Variants in CCDC148 observed in about 807,000 individuals in gnomAD.
CCDC148 encodes coiled-coil domain containing 148.
A neutral mutation model predicts 85.7 loss-of-function variants in CCDC148; 89 were observed. The observed-to-expected ratio is 1.04, with a 90% confidence interval of 0.87 to 1.24. The LOEUF is 1.24. Among genes scored for constraint, CCDC148 ranks in the 50% most tolerant of loss-of-function variants. CCDC148 has a pLI of 0.00. For synonymous variants in CCDC148, 230 were observed against 213.9 expected (o/e 1.08, Z -0.66); for missense variants, 692 against 671.7 (o/e 1.03, Z -0.33).
intron 9 of CCDC148, among the ~76,000 whole-genome samples, chr2:158,294,004 C>CA (rs1691037121): frequency 1.1e-4 from 1 of 9,176 alleles, no homozygotes; most frequent in African/African-American, 7.5e-4. Flanking sequence ...CTCCCTCCCT[C>CA]CTTCCTTCCT....
chr2:158,428,363 C>T (rs1261076688), intron 1 of CCDC148, among the ~76,000 whole-genome samples: 1 of 152,018 alleles, frequency 6.6e-6, no homozygotes, highest in African/African-American at 2.4e-5. Flanking sequence ...AGATCTGATC[C>T]TCATTTCTTA....
chr2:158,332,889 C>T (rs544148446), intron 7 of CCDC148, among the ~76,000 whole-genome samples: 6 of 43,746 alleles, frequency 1.4e-4, no homozygotes, highest in African/African-American at 4.9e-4. Context: ...TCCCCTATAA[C>T]ATGTTTTTTT....
At position 158,294,874 on chromosome 2, in the gene CCDC148, T is replaced by C. The variant is rs1426418048; in HGVS notation, c.1110+14559A>G. On this transcript the variant is annotated intron_variant, in intron 9 of 13. Transcript: ENST00000283233. The stretch of plus-strand genomic sequence containing the variant: ...CAAAATGTTGCACAAAGTGACCATG[T>C]TACTTTGCATTCCCCGCTAGCACTG... Among the ~76,000 whole-genome samples the C allele has an allele frequency of 2.6e-5, 4 of 151,824 alleles. No homozygotes were observed. In the East Asian group the frequency reaches 5.8e-4, roughly 22 times the overall value.
At chr2:158,229,309 T>C (rs1005871234) in intron 10 of CCDC148, among the ~76,000 whole-genome samples, 48 of 152,188 alleles carry the variant, frequency 3.2e-4, no homozygotes, top group African/African-American at 1.1e-3. Context: ...GCAGCTCTCA[T>C]CACAAGGCTT....
At chr2:158,316,831 A>C (rs930382195) in intron 7 of CCDC148, among the ~76,000 whole-genome samples, 5 of 152,228 alleles carry the variant, frequency 3.3e-5, no homozygotes, top group African/African-American at 1.2e-4. Context: ...ATATTTAAAC[A>C]TAGTAGTCTC....
In CCDC148 at chr2:158,329,052, C is replaced by T. The variant is rs188231192; in HGVS notation, c.764+9674G>A. 2.7e-3 allele frequency among the ~76,000 whole-genome samples: 418 copies of T among 152,234 alleles called. 1 individual carries two copies. Among genetic ancestry groups the T allele is most frequent in the African/African-American group, 9.4e-3 (390 of 41,546 alleles). ...CATTTGTCAGTTTTGGCTTTTGTTG[C>T]CATTGCTTTTGGTGTTTTGGACATG... On this transcript the variant is annotated intron_variant, in intron 7 of 13. Transcript: ENST00000283233.
intron 7 of CCDC148, among the ~76,000 whole-genome samples, chr2:158,334,294 G>A (rs1693307856): frequency 6.6e-6 from 1 of 152,070 alleles, no homozygotes; most frequent in Admixed American, 6.6e-5. Context: ...GTATCTTTCT[G>A]TCTCTCCAAT....
intron 1 of CCDC148, among the ~76,000 whole-genome samples, chr2:158,373,359 T>C (rs1028081291): frequency 1.3e-5 from 2 of 152,058 alleles, no homozygotes; most frequent in African/African-American, 4.8e-5. Flanking sequence ...ATCATAAACT[T>C]GGATTGTTTA....
intron 9 of CCDC148, among the ~76,000 whole-genome samples, chr2:158,309,107 G>T (rs1336929697): frequency 6.6e-6 from 1 of 152,152 alleles, no homozygotes; most frequent in Non-Finnish European, 1.5e-5. Flanking sequence ...ATCAGCATTA[G>T]ACAGTAACTT....
rs1691857730 is a variant in CCDC148, at chr2:158,309,358, T to A, written c.1110+75A>T. 4 of 1,250,244 alleles carry A rather than the reference T, an allele frequency of 3.2e-6. No individual in the cohort carries two copies. The African/African-American group carries it at 4.5e-5, about 14-fold the overall frequency. The allele number at this position is 1,250,244 out of a possible 1,614,324, so 77.4% of individuals were successfully genotyped here. ...TTTTTAAGAGAAACTGAACTTTAGG[T>A]TGAGTTTGAACAAAAGGGAAAAATG... On this transcript the variant is annotated intron_variant, in intron 9 of 13. Coordinates refer to ENST00000283233, the MANE Select transcript of CCDC148 (RefSeq NM_138803.4).
At chr2:158,195,414 T>G (rs1574377534) in intron 11 of CCDC148, among the ~76,000 whole-genome samples, 2 of 152,290 alleles carry the variant, frequency 1.3e-5, no homozygotes, top group East Asian at 3.9e-4. Context: ...TACTTGGGAA[T>G]TCATCATCGT....
chr2:158,232,977 C>T (rs1289801505), intron 10 of CCDC148, among the ~76,000 whole-genome samples: 1 of 152,082 alleles, frequency 6.6e-6, no homozygotes, highest in African/African-American at 2.4e-5. Context: ...TAGTTAATCA[C>T]AATTCATTGT....
intron 10 of CCDC148, among the ~76,000 whole-genome samples, chr2:158,221,861 T>G (rs550500998): frequency 7.9e-5 from 12 of 151,462 alleles, no homozygotes; most frequent in African/African-American, 2.9e-4. Context: ...GAGATAAAGC[T>G]AGAAAGGCAG....
intron 9 of CCDC148, among the ~76,000 whole-genome samples, chr2:158,281,511 A>T (rs1370032075): frequency 1.3e-5 from 2 of 152,004 alleles, no homozygotes; most frequent in Non-Finnish European, 2.9e-5. Context: ...CTACGCAAAT[A>T]AACTAGAAAA....
At chr2:158,419,231 C>A in intron 1 of CCDC148, among the ~76,000 whole-genome samples, 1 of 152,126 alleles carries the variant, frequency 6.6e-6, no homozygotes, top group East Asian at 1.9e-4. Flanking sequence ...AGAATTAAAA[C>A]TCACAATGCC....
intron 1 of CCDC148, among the ~76,000 whole-genome samples, chr2:158,363,062 T>C (rs2105271830): frequency 6.6e-6 from 1 of 152,114 alleles, no homozygotes; most frequent in Admixed American, 6.5e-5. Flanking sequence ...AACTAGAAAA[T>C]CTAGAAGAAA....
chr2:158,339,449 A>G (rs1682558453), intron 5 of CCDC148, among the ~76,000 whole-genome samples: 1 of 152,138 alleles, frequency 6.6e-6, no homozygotes, highest in African/African-American at 2.4e-5. Context: ...TATATTTTTT[A>G]TGAGTATTTA....
At chr2:158,400,449 G>A (rs972017717) in intron 1 of CCDC148, among the ~76,000 whole-genome samples, 10 of 152,080 alleles carry the variant, frequency 6.6e-5, no homozygotes, top group African/African-American at 2.4e-4. Context: ...ACAAAAACAA[G>A]AAAGGGAGAA....
At chr2:158,375,977 G>C (rs1283784907) in intron 1 of CCDC148, among the ~76,000 whole-genome samples, 1 of 152,052 alleles carries the variant, frequency 6.6e-6, no homozygotes, top group Non-Finnish European at 1.5e-5. Context: ...AAATCCCCAA[G>C]CTTCTGCAAT....
Sources: gnomAD v4.1 joint callset for allele counts (sites outside exome capture counted in the v4.1 genomes callset) on GRCh38, gnomAD v4.1.1 for gene constraint, MANE v1.5 for transcripts, NCBI Gene and HGNC (gene_info 2026-07-23, HGNC 2026-07-21) for gene names.